Variants in ZNFX1 observed in about 807,000 individuals in gnomAD.
ZNFX1 encodes NFX1-type zinc finger-containing protein 1.
ZNFX1 carries 78 observed loss-of-function variants against 179.8 expected under a neutral mutation model. The observed-to-expected ratio is 0.43, with a 90% CI of 0.36 to 0.52. The LOEUF (loss-of-function observed/expected upper bound fraction) is 0.52. ZNFX1 is among the 20% of genes least tolerant of loss of function. The pLI is 0.00. For missense variants in ZNFX1, 1,927 were observed against 2,386.6 expected (o/e 0.81, Z 4.01); for synonymous variants, 848 against 868.5 (o/e 0.98, Z 0.42).
Position 49,275,790 on chromosome 20 carries a change from G to C in ZNFX1, c.50C>G (p.Thr17Ser). 1 of 1,614,084 alleles carries C rather than the reference G, an allele frequency of 6.2e-7. No individual in the cohort carries two copies. Among genetic ancestry groups the C allele is most frequent in the African/African-American group, 1.3e-5 (1 of 74,992 alleles). ...HLDARPRNSH[T>S]NHRGPVDGEL... Reference sequence around the variant, plus strand: ...GAAACCTTGCTTACCTCTGTGGTTGGTATGGGAATTCCTGGGCCTGGCATC... The same window carrying C: ...GAAACCTTGCTTACCTCTGTGGTTGCTATGGGAATTCCTGGGCCTGGCATC... The change falls in exon 2 of 14, where the codon ACC becomes AGC. Residue 17 changes from threonine (T) to serine (S), a missense_variant. Physicochemically the swap from Thr to Ser is moderately conservative, Grantham distance 58. Transcript: ENST00000396105.
intron 12 of ZNFX1, among the ~76,000 whole-genome samples, chr20:49,252,191 G>C (rs895517306): frequency 1.3e-5 from 2 of 148,348 alleles, no homozygotes; most frequent in African/African-American, 5.0e-5. Context: ...TGCCAGGCTG[G>C]AGTACAGTGG....
chr20:49,260,339 T>C (rs569365208), intron 7 of ZNFX1, 124 bp downstream of exon 7: 64 of 548,602 alleles, frequency 1.2e-4, no homozygotes, highest in African/African-American at 1.1e-3. Flanking sequence ...ATTAAGCTAT[T>C]TGTCTTTCTC....
At chr20:49,269,861 T>C in intron 3 of ZNFX1, 81 bp downstream of exon 3, 1 of 1,463,244 alleles carries the variant, frequency 6.8e-7, no homozygotes, top group Non-Finnish European at 9.2e-7. Context: ...AAGAAGACAT[T>C]CTAGAAACCT....
In ZNFX1 at chr20:49,270,794, G is replaced by C. The variant is rs1290064888; in HGVS notation, c.1018C>G (p.Pro340Ala). The change falls in exon 3 of 14, where the codon CCT becomes GCT. Residue 340 changes from proline (P) to alanine (A), a missense_variant. Pro to Ala is a conservative substitution (Grantham distance 27). Transcript: ENST00000396105. This position sits in a 1 kb window ranked among gnomAD's most constrained non-coding sequence, Gnocchi z 4.6. ...VESYRTMPIYPTYNEVHLDER... is the reference protein window; with the variant it reads ...VESYRTMPIYATYNEVHLDER... Reference sequence around the variant, plus strand: ...TCCAAGTGCACTTCATTGTAGGTAGGGTAAATGGGCATGGTTCGGTAGCTC... The same window carrying C: ...TCCAAGTGCACTTCATTGTAGGTAGCGTAAATGGGCATGGTTCGGTAGCTC... The C allele has an allele frequency of 1.2e-6, 2 of 1,614,038 alleles. No homozygotes were observed. The highest frequency in any genetic ancestry group is 1.7e-6 in the Non-Finnish European group (2 of 1,180,040).
chr20:49,264,955 G>T (rs772613900), intron 4 of ZNFX1, 91 bp from the exon 5 acceptor site: 64 of 1,538,482 alleles, frequency 4.2e-5, no homozygotes, highest in Non-Finnish European at 5.6e-5. Context: ...ATCTAGTCTG[G>T]TCCCTTAGAG....
At position 49,271,539 on chromosome 20, in the gene ZNFX1, T is replaced by G. The variant is rs1568987486; in HGVS notation, c.273A>C (p.Glu91Asp). 6.2e-7 allele frequency: 1 copy of G among 1,614,168 alleles called. No homozygotes were observed. The part of the protein sequence containing the change: ...RRNQEGHASD[E>D]ARDQRHDQEN... ...CCTGGTCATGTCTTTGGTCTCTAGCTTCGTCGCTGGCATGCCCCTCCTGGT... is the reference window on the plus strand; with the variant it reads ...CCTGGTCATGTCTTTGGTCTCTAGCGTCGTCGCTGGCATGCCCCTCCTGGT... The change falls in exon 3 of 14, where the codon GAA (glutamate) becomes GAC (aspartate). Residue 91 changes from glutamate (E) to aspartate (D), a missense_variant. Glu to Asp is a conservative substitution (Grantham distance 45, BLOSUM62 2). Transcript: ENST00000396105.
At chr20:49,271,790 T>C in intron 2 of ZNFX1, 40 bp from the exon 3 acceptor site, 1 of 1,548,226 alleles carries the variant, frequency 6.5e-7, no homozygotes. Context: ...AAGAACCAAG[T>C]TCTGTTGGAA....
At position 49,248,273 on chromosome 20, in the gene ZNFX1, C is replaced by G; in HGVS notation, c.4751G>C (p.Arg1584Pro). Residue 1584 changes from arginine to proline, a missense_variant, in exon 14 of 14, where the codon CGC becomes CCC. Coordinates refer to ENST00000396105, the MANE Select transcript of ZNFX1 (RefSeq NM_021035.3). This position sits in a 1 kb window ranked among gnomAD's most constrained non-coding sequence, Gnocchi z 4.6. Reference protein sequence around the residue: ...FFGFEDEPDARFVQLEDCSHI... With the variant: ...FFGFEDEPDAPFVQLEDCSHI... ...GCTGCAGTCTTCCAGCTGCACAAAG[C>G]GGGCATCAGGCTCATCCTCAAAGCC... 1 of 1,614,100 alleles carries G rather than the reference C, an allele frequency of 6.2e-7. No homozygotes were observed. Among genetic ancestry groups the G allele is most frequent in the African/African-American group, 1.3e-5 (1 of 75,024 alleles).
intron 3 of ZNFX1, 92 bp downstream of exon 3, chr20:49,269,847 AAAT>A: frequency 7.0e-7 from 1 of 1,418,870 alleles, no homozygotes; most frequent in Non-Finnish European, 9.5e-7. Context: ...TAAAATAAGT[AAAT>A]AAGAAGACAT....
Position 49,266,388 on chromosome 20 carries a change from C to T in ZNFX1, c.1871-122G>A, listed in dbSNP as rs903225204. ...TTAAGATAGTTTAAAATCTAAGAAG[C>T]GTACATTGTATATTGTGAAAAGTCC... On this transcript the variant is annotated intron_variant, in intron 3 of 13. Coordinates refer to ENST00000396105, the MANE Select transcript of ZNFX1 (RefSeq NM_021035.3). The T allele has an allele frequency of 2.2e-5, 22 of 1,018,418 alleles. No individual in the cohort carries two copies. The African/African-American group carries it at 3.1e-4, about 14-fold the overall frequency. The allele number at this position is 1,018,418 out of a possible 1,614,324, so 63.1% of individuals were successfully genotyped here.
At chr20:49,252,597 T>C (rs181437179) in intron 12 of ZNFX1, 123 bp downstream of exon 12, 5 of 653,170 alleles carry the variant, frequency 7.7e-6, no homozygotes, top group South Asian at 4.0e-5. Context: ...AAATGTAAGG[T>C]TGACAGAGTC....
At chr20:49,277,195 C>T (rs1981589823) in intron 1 of ZNFX1, among the ~76,000 whole-genome samples, 1 of 151,932 alleles carries the variant, frequency 6.6e-6, no homozygotes, top group African/African-American at 2.4e-5. Context: ...CTAGTCATCA[C>T]CAGAGTGGGA....
intron 7 of ZNFX1, 51 bp from the exon 8 acceptor site, chr20:49,257,715 T>C (rs1325391393): frequency 6.5e-7 from 1 of 1,546,510 alleles, no homozygotes; most frequent in Non-Finnish European, 8.7e-7. Flanking sequence ...TTTTTTTTTT[T>C]TTTTGATATG....
chr20:49,267,061 T>A (rs1241626689), intron 3 of ZNFX1, among the ~76,000 whole-genome samples: 1 of 152,084 alleles, frequency 6.6e-6, no homozygotes, highest in Non-Finnish European at 1.5e-5. Context: ...CATGCCCAGC[T>A]AATTTTTGTA....
intron 10 of ZNFX1, 30 bp from the exon 11 acceptor site, chr20:49,253,841 T>C (rs753715350): frequency 6.2e-7 from 1 of 1,612,122 alleles, no homozygotes; most frequent in Non-Finnish European, 8.5e-7. Flanking sequence ...GAAAGGCTCC[T>C]CTGAGCTGAG....
Position 49,277,892 on chromosome 20 carries a change from C to G in ZNFX1, c.-49+129G>C, listed in dbSNP as rs565706994. The G allele has an allele frequency of 3.5e-3, 536 of 152,234 alleles. 2 individuals are homozygous for G. Among genetic ancestry groups the G allele is most frequent in the African/African-American group, 0.013 (514 of 40,896 alleles). The allele number at this position is 152,234 out of a possible 1,614,324, so 9.4% of individuals were successfully genotyped here. On this transcript the variant is annotated intron_variant, in intron 1 of 13. Coordinates refer to ENST00000396105, the MANE Select transcript of ZNFX1 (RefSeq NM_021035.3). ...GGGGCCAGGGGCTCTGAGCGGGTGA[C>G]GGGTGCGTTGGGGGCTTGAGAGGGT...
At chr20:49,252,055 G>A (rs1045247762) in intron 12 of ZNFX1, among the ~76,000 whole-genome samples, 1 of 151,780 alleles carries the variant, frequency 6.6e-6, no homozygotes, top group African/African-American at 2.4e-5. Context: ...CTGGTCACGA[G>A]CTCCTGAACT....
At chr20:49,257,350 A>C (rs1027377887) in intron 8 of ZNFX1, 67 bp downstream of exon 8, 3 of 1,593,068 alleles carry the variant, frequency 1.9e-6, no homozygotes, top group African/African-American at 2.7e-5. Context: ...ATACTGTATC[A>C]GAAGTGGGGG....
At chr20:49,266,300 A>T (rs911402599) in intron 3 of ZNFX1, 34 bp from the exon 4 acceptor site, 27 of 1,562,846 alleles carry the variant, frequency 1.7e-5, no homozygotes, top group Non-Finnish European at 2.3e-5. Flanking sequence ...TTAACAATTT[A>T]GACATTTTCT....
Sources: allele counts gnomAD v4.1 joint callset (sites outside exome capture counted in the v4.1 genomes callset), GRCh38; gene constraint gnomAD v4.1.1; non-coding constraint Gnocchi (gnomAD v3.1); transcripts MANE v1.5; gene names NCBI Gene and HGNC (gene_info 2026-07-23, HGNC 2026-07-21).